The following CNTN5 variants were observed in gnomAD, a reference collection of about 807,000 sequenced individuals.
The protein encoded by CNTN5 is contactin-5.
In CNTN5, 77 loss-of-function variants were observed where a neutral mutation model predicts 129.1. The observed-to-expected ratio is 0.60, with a 90% CI of 0.50 to 0.72. The LOEUF (loss-of-function observed/expected upper bound fraction) is 0.72, where lower values mean the gene tolerates loss of function less well. Ranked by LOEUF, CNTN5 falls within the 30% of genes least tolerant of loss-of-function variation. The pLI is 0.00. For missense variants in CNTN5, 1,478 were observed against 1,328.8 expected (o/e 1.11, Z -1.75); for synonymous variants, 509 against 465.6 (o/e 1.09, Z -1.20).
At chr11:100,191,403 C>T in intron 14 of CNTN5, 150 bp downstream of exon 14, 1 of 564,112 alleles carries the variant, frequency 1.8e-6, no homozygotes, top group South Asian at 7.5e-5. Context: ...ACTAAAACAG[C>T]CACATTGTTA....
intron 6 of CNTN5, among the ~76,000 whole-genome samples, chr11:99,855,839 A>T (rs1948016344): frequency 6.6e-6 from 1 of 152,222 alleles, no homozygotes; most frequent in African/African-American, 2.4e-5. Context: ...CCAGGAAGGT[A>T]TACAATTTCT....
chr11:99,116,548 CAAAAT>C (rs1338167228), intron 1 of CNTN5, among the ~76,000 whole-genome samples: 1 of 151,980 alleles, frequency 6.6e-6, no homozygotes, highest in African/African-American at 2.4e-5. Context: ...AATTGACCAA[CAAAAT>C]AAATATTCTC....
intron 7 of CNTN5, among the ~76,000 whole-genome samples, chr11:99,939,098 A>G (rs181517901): frequency 6.6e-6 from 1 of 152,076 alleles, no homozygotes; most frequent in South Asian, 2.1e-4. Context: ...TCTAAAAAAA[A>G]TTTAAAAAGA....
At chr11:99,174,273 A>G (rs937627716) in intron 1 of CNTN5, among the ~76,000 whole-genome samples, 1 of 152,182 alleles carries the variant, frequency 6.6e-6, no homozygotes, top group African/African-American at 2.4e-5. Flanking sequence ...TGCTGGGATT[A>G]CAGGCATGAG....
chr11:99,454,966 G>C (rs568893542), intron 2 of CNTN5, among the ~76,000 whole-genome samples: 1 of 152,202 alleles, frequency 6.6e-6, no homozygotes, highest in African/African-American at 2.4e-5. Flanking sequence ...CCATTGGTTT[G>C]TTTGGTTGGT....
intron 2 of CNTN5, among the ~76,000 whole-genome samples, chr11:99,418,469 T>C (rs1193537212): frequency 6.6e-6 from 1 of 152,196 alleles, no homozygotes; most frequent in African/African-American, 2.4e-5. Context: ...TCAGATAACA[T>C]GTCCAAAGGG....
intron 3 of CNTN5, among the ~76,000 whole-genome samples, chr11:99,572,254 T>C (rs994885006): frequency 2.6e-5 from 4 of 152,182 alleles, no homozygotes; most frequent in African/African-American, 9.7e-5. Context: ...TCGCTAACGA[T>C]AGCTGATGAG....
intron 1 of CNTN5, among the ~76,000 whole-genome samples, chr11:99,281,814 T>C (rs1863710992): frequency 6.6e-6 from 1 of 152,076 alleles, no homozygotes; most frequent in East Asian, 1.9e-4. Flanking sequence ...ATGTTTTTAC[T>C]TCACTTATTC....
At chr11:99,865,334 G>A (rs191060138) in intron 6 of CNTN5, among the ~76,000 whole-genome samples, 135 of 151,994 alleles carry the variant, frequency 8.9e-4, no homozygotes, top group Non-Finnish European at 1.5e-3. Context: ...CACAATAAAT[G>A]TATATCAGAT....
At chr11:99,029,154 G>A (rs12278344) in intron 1 of CNTN5, among the ~76,000 whole-genome samples, 13,157 of 151,360 alleles carry the variant, frequency 0.087, 1,046 homozygotes, top group East Asian at 0.23. Context: ...TTAAAGGTTT[G>A]AGTCTAGGAA....
At chr11:100,092,795 C>T (rs1944842513) in intron 13 of CNTN5, among the ~76,000 whole-genome samples, 3 of 151,812 alleles carry the variant, frequency 2.0e-5, no homozygotes, top group Admixed American at 2.0e-4. Context: ...AGGTGGGGTG[C>T]AGTATGCTTG....
intron 1 of CNTN5, among the ~76,000 whole-genome samples, chr11:99,071,950 TA>T (rs5793965): frequency 0.39 from 59,247 of 151,154 alleles, 11,893 homozygotes; most frequent in East Asian, 0.54. Context: ...GTGAATACAA[TA>T]AAAAAAAAGA....
Position 100,358,035 on chromosome 11 carries a change from C to A in CNTN5, c.*1815C>A, listed in dbSNP as rs1403304169. 2 of 151,834 alleles carry A rather than the reference C, an allele frequency of 1.3e-5. No homozygotes were observed. The highest frequency in any genetic ancestry group is 4.8e-5 in the African/African-American group (2 of 41,400). The allele number at this position is 151,834 out of a possible 1,614,324, so 9.4% of individuals were successfully genotyped here. On this transcript the variant is annotated 3_prime_UTR_variant, in exon 25 of 25. Transcript: ENST00000524871. ...CTCCTTTAAAGTGGGAGAGGCTGGA[C>A]TTTGCAAAAACAGGGATGCTAATTG...
At chr11:99,978,204 G>T (rs1938115146) in intron 8 of CNTN5, among the ~76,000 whole-genome samples, 1 of 152,054 alleles carries the variant, frequency 6.6e-6, no homozygotes, top group South Asian at 2.1e-4. Flanking sequence ...TCTAAAGAAA[G>T]AAAACATTTT....
chr11:99,518,917 G>A lies in CNTN5; in HGVS notation c.-70-37228G>A, dbSNP rs539265763. 1.5e-4 allele frequency among the ~76,000 whole-genome samples: 23 copies of A among 152,100 alleles called. No individual in the cohort carries two copies. In the South Asian group the frequency reaches 4.8e-3, roughly 32 times the overall value. ...TAATTTATAACTAATTGTATTAAATGCATCCATTCTGCTAAGCTCCACCCT... is the reference window on the plus strand; with the variant it reads ...TAATTTATAACTAATTGTATTAAATACATCCATTCTGCTAAGCTCCACCCT... On this transcript the variant is annotated intron_variant, in intron 2 of 24. Coordinates refer to ENST00000524871, the MANE Select transcript of CNTN5 (RefSeq NM_014361.4).
intron 1 of CNTN5, among the ~76,000 whole-genome samples, chr11:99,062,258 G>T (rs10892739): frequency 0.4 from 60,862 of 151,984 alleles, 12,880 homozygotes; most frequent in Non-Finnish European, 0.48. Flanking sequence ...AGCACAACAG[G>T]CAAGATGGTC....
intron 1 of CNTN5, among the ~76,000 whole-genome samples, chr11:99,097,211 C>A (rs1022302104): frequency 5.9e-5 from 9 of 151,888 alleles, no homozygotes; most frequent in African/African-American, 2.2e-4. Context: ...GTCCCTTGCA[C>A]ATACAGTCCA....
chr11:99,209,637 C>T (rs1184006617), intron 1 of CNTN5, among the ~76,000 whole-genome samples: 2 of 152,032 alleles, frequency 1.3e-5, no homozygotes, highest in African/African-American at 4.8e-5. Context: ...ACATCAAAAC[C>T]ATATCAACAT....
intron 2 of CNTN5, among the ~76,000 whole-genome samples, chr11:99,383,447 C>T (rs1940726718): frequency 6.6e-6 from 1 of 152,156 alleles, no homozygotes; most frequent in Non-Finnish European, 1.5e-5. Context: ...TGTCCCTAAT[C>T]TCTAGTTAAG....
Sources: allele counts gnomAD v4.1 joint callset (sites outside exome capture counted in the v4.1 genomes callset), GRCh38; gene constraint gnomAD v4.1.1; transcripts MANE v1.5; gene names NCBI Gene and HGNC (gene_info 2026-07-23, HGNC 2026-07-21).